Variants in FAM118A observed in about 807,000 individuals in gnomAD.
The protein encoded by FAM118A is SIR2 antiphage like 2, also known as protein FAM118A.
FAM118A carries 25 observed loss-of-function variants against 38.2 expected under a neutral mutation model. The observed-to-expected ratio is 0.65, with a 90% CI of 0.48 to 0.91. The LOEUF (loss-of-function observed/expected upper bound fraction) is 0.91. Ranked by LOEUF, FAM118A falls within the 40% of genes least tolerant of loss-of-function variation. FAM118A has a pLI of 0.00. For missense variants in FAM118A, 425 were observed against 463.3 expected, an observed-to-expected ratio of 0.92 and a Z score of 0.76; for synonymous variants, 178 against 184.1, an observed-to-expected ratio of 0.97 and a Z score of 0.27.
chr22:45,316,058 G>A (rs1278912992), intron 1 of FAM118A, among the ~76,000 whole-genome samples: 2 of 152,136 alleles, frequency 1.3e-5, no homozygotes, highest in Non-Finnish European at 2.9e-5. Context: ...TTTGATTTTT[G>A]AGATGGAGTC....
chr22:45,323,305 A>T lies in FAM118A; in HGVS notation c.178A>T (p.Ile60Phe). 6.2e-7 allele frequency: 1 copy of T among 1,614,200 alleles called. No individual in the cohort carries two copies. Among genetic ancestry groups the T allele is most frequent in the Non-Finnish European group, 8.5e-7 (1 of 1,180,002 alleles). ...CSWRSCIEAV[I>F]EAAEQLEVLH... The stretch of plus-strand genomic sequence containing the variant: ...GTGGAGAAGCTGCATCGAGGCCGTC[A>T]TCGAGGCTGCAGAGCAGCTGGAGGT... Residue 60 changes from isoleucine (I) to phenylalanine (F), a missense_variant, in exon 3 of 9, where the codon ATC becomes TTC. Transcript: ENST00000441876.
At chr22:45,310,706 A>T (rs940657660) in intron 1 of FAM118A, among the ~76,000 whole-genome samples, 3 of 152,056 alleles carry the variant, frequency 2.0e-5, no homozygotes. Context: ...AGCGCGCCCG[A>T]CGACCACCTC....
At chr22:45,331,757 A>G (rs1411459660) in intron 5 of FAM118A, among the ~76,000 whole-genome samples, 5 of 152,114 alleles carry the variant, frequency 3.3e-5, no homozygotes, top group Non-Finnish European at 7.4e-5. Context: ...GCTTGGTGAT[A>G]AGAAATACCT....
chr22:45,333,674 C>CAAA (rs541613789), intron 6 of FAM118A, among the ~76,000 whole-genome samples: 35 of 93,560 alleles, frequency 3.7e-4, no homozygotes, highest in Admixed American at 8.4e-4. Context: ...ACTCTGTTTC[C>CAAA]AAAAAAAAAA....
At chr22:45,335,266 G>A (rs539323191) in intron 6 of FAM118A, 84 bp from the exon 7 acceptor site, 13 of 1,526,100 alleles carry the variant, frequency 8.5e-6, no homozygotes, top group African/African-American at 8.2e-5. Context: ...AGTCCCTGCC[G>A]TTCCCAGTCA....
chr22:45,335,224 G>A (rs535824189), intron 6 of FAM118A, 126 bp from the exon 7 acceptor site: 407 of 987,662 alleles, frequency 4.1e-4, no homozygotes, highest in Middle Eastern at 1.5e-3. Flanking sequence ...TCCGCAGCCC[G>A]CGCGGGCTGA....
chr22:45,309,699 C>T (rs577978576), upstream of FAM118A: 1 of 152,366 alleles, frequency 6.6e-6, no homozygotes, highest in Non-Finnish European at 1.5e-5. Context: ...CAGCGCAAGC[C>T]CTCCCCCGCA....
chr22:45,315,306 T>G (rs956357438), intron 1 of FAM118A, among the ~76,000 whole-genome samples: 1 of 152,162 alleles, frequency 6.6e-6, no homozygotes, highest in African/African-American at 2.4e-5. Context: ...GAATAAAAAG[T>G]AATTGGTTAA....
At chr22:45,323,065 G>GTGTGTGTA (rs1250434860) in intron 2 of FAM118A, 110 bp from the exon 3 acceptor site, 66 of 1,112,122 alleles carry the variant, frequency 5.9e-5, no homozygotes, top group Non-Finnish European at 7.9e-5. Flanking sequence ...GTGTGTGTGT[G>GTGTGTGTA]TGTGTGTGTG....
chr22:45,313,600 G>T (rs747763229), intron 1 of FAM118A, among the ~76,000 whole-genome samples: 137 of 152,280 alleles, frequency 9.0e-4, no homozygotes, highest in Non-Finnish European at 5.4e-4. Context: ...TGGGATTACA[G>T]GTGTGAGCCA....
At chr22:45,328,966 A>T (rs1455749102) in intron 4 of FAM118A, 1 of 154,908 alleles carries the variant, frequency 6.5e-6, no homozygotes. Context: ...GGCAACAGAG[A>T]GAGTGGCAGG....
chr22:45,336,798 G>T (rs2086133069), intron 8 of FAM118A, among the ~76,000 whole-genome samples: 1 of 152,192 alleles, frequency 6.6e-6, no homozygotes, highest in Non-Finnish European at 1.5e-5. Flanking sequence ...AGTTGAGGAA[G>T]CAGCATTGCC....
chr22:45,319,853 C>CT (rs1169115715), intron 1 of FAM118A, among the ~76,000 whole-genome samples: 3 of 152,204 alleles, frequency 2.0e-5, no homozygotes, highest in Admixed American at 6.5e-5. Flanking sequence ...CTCTGCCAGT[C>CT]TTTCCCTGGG....
At chr22:45,330,409 C>G (rs983824266) in intron 4 of FAM118A, 194 bp from the exon 5 acceptor site, 3 of 459,708 alleles carry the variant, frequency 6.5e-6, no homozygotes, top group East Asian at 4.2e-5. Flanking sequence ...ACTGTACCGT[C>G]GTAGGACGGG....
chr22:45,327,595 C>G (rs2085370945), intron 3 of FAM118A, among the ~76,000 whole-genome samples: 1 of 152,180 alleles, frequency 6.6e-6, no homozygotes, highest in Admixed American at 6.6e-5. Flanking sequence ...GTGTCTTGGT[C>G]CTGTCCACCT....
chr22:45,321,781 G>GT (rs2084894128), intron 1 of FAM118A: 1 of 156,104 alleles, frequency 6.4e-6, no homozygotes, highest in East Asian at 1.9e-4. Flanking sequence ...TGGGATTTCT[G>GT]TTTTTATATA....
intron 2 of FAM118A, among the ~76,000 whole-genome samples, chr22:45,322,905 A>G (rs1256202837): frequency 1.3e-5 from 2 of 152,220 alleles, no homozygotes; most frequent in African/African-American, 4.8e-5. Context: ...TATCACTTAA[A>G]TTGAGCTTAA....
intron 1 of FAM118A, among the ~76,000 whole-genome samples, chr22:45,317,689 G>T (rs564919390): frequency 6.6e-6 from 1 of 152,310 alleles, no homozygotes; most frequent in East Asian, 1.9e-4. Flanking sequence ...CCAGGCCCAG[G>T]TCCCGGCCCA....
intron 1 of FAM118A, among the ~76,000 whole-genome samples, chr22:45,312,035 T>C (rs73169225): frequency 0.11 from 16,135 of 152,036 alleles, 937 homozygotes; most frequent in Admixed American, 0.15. Context: ...GCCAGGACCA[T>C]GCTGGGCTAG....
Sources: gnomAD v4.1 joint callset for allele counts (sites outside exome capture counted in the v4.1 genomes callset) on GRCh38, gnomAD v4.1.1 for gene constraint, MANE v1.5 for transcripts, NCBI Gene and HGNC (gene_info 2026-07-23, HGNC 2026-07-21) for gene names.